NLRP13: variants seen among roughly 807,000 people sequenced by gnomAD.
NLRP13 encodes the protein NLR family pyrin domain containing 13, also known as NACHT, LRR and PYD domains-containing protein 13.
NLRP13 carries 82 observed loss-of-function variants against 94.4 expected under a neutral mutation model. That is an observed-to-expected ratio of 0.87 (90% CI 0.73 to 1.04). The LOEUF (loss-of-function observed/expected upper bound fraction) is 1.04, where lower values mean the gene tolerates loss of function less well. Among genes scored for constraint, NLRP13 ranks in the 50% least tolerant of loss-of-function variants. The pLI is 0.00. For missense variants in NLRP13, 1,426 were observed against 1,230.8 expected (o/e 1.16, Z -2.37); for synonymous variants, 553 against 464.7 (o/e 1.19, Z -2.45).
At chr19:55,908,700 CTTAT>C (rs1301062812) in intron 6 of NLRP13, among the ~76,000 whole-genome samples, 1 of 152,190 alleles carries the variant, frequency 6.6e-6, no homozygotes, top group Non-Finnish European at 1.5e-5. Context: ...CATGTCCTCA[CTTAT>C]AAGTGGGAGC....
At chr19:55,901,892 A>G in intron 9 of NLRP13, 143 bp downstream of exon 9, 2 of 817,274 alleles carry the variant, frequency 2.4e-6, no homozygotes, top group East Asian at 2.7e-5. Context: ...CCCATCCCAC[A>G]CCCCCGACAA....
Position 55,911,934 on chromosome 19 carries a change from C to A in NLRP13, c.1883G>T (p.Ser628Ile). The A allele has an allele frequency of 6.2e-7, 1 of 1,614,178 alleles. No homozygotes were observed. The highest frequency in any genetic ancestry group is 8.5e-7 in the Non-Finnish European group (1 of 1,180,018). The change falls in exon 5 of 11, where the codon AGT becomes ATT. Residue 628 changes from serine (S) to isoleucine (I), a missense_variant. Physicochemically the swap from Ser to Ile is moderately radical, Grantham distance 142. Coordinates refer to ENST00000342929, the MANE Select transcript of NLRP13 (RefSeq NM_176810.2). ...KWGEELGKAESASLQFHILRL... is the reference protein window; with the variant it reads ...KWGEELGKAEIASLQFHILRL... ...TAGAATGTGAAATTGGAGAGAGGCA[C>A]TTTCAGCCTTACCTAACTCTTCTCC...
intron 10 of NLRP13, among the ~76,000 whole-genome samples, chr19:55,896,745 C>T (rs1322879184): frequency 3.7e-5 from 5 of 133,640 alleles, no homozygotes; most frequent in Admixed American, 2.6e-4. Flanking sequence ...CTTGAGCCCA[C>T]GGGGTGGAAG....
downstream of NLRP13, among the ~76,000 whole-genome samples, chr19:55,894,225 A>C (rs1985937371): frequency 6.6e-6 from 1 of 151,820 alleles, no homozygotes. Flanking sequence ...AAATTTTTGT[A>C]GAGACAGGAT....
intron 6 of NLRP13, 56 bp downstream of exon 6, chr19:55,910,507 G>C: frequency 6.9e-7 from 1 of 1,451,320 alleles, no homozygotes; most frequent in Non-Finnish European, 9.3e-7. Context: ...TCAAAAGAGA[G>C]AAGTTGGGAG....
intron 1 of NLRP13, among the ~76,000 whole-genome samples, chr19:55,929,980 T>G (rs1054627348): frequency 6.6e-6 from 1 of 152,118 alleles, no homozygotes; most frequent in Non-Finnish European, 1.5e-5. Flanking sequence ...AACAAGAGTA[T>G]CTGAGGGCTT....
In NLRP13 at chr19:55,896,104, A is replaced by G. The variant is rs1986001179; in HGVS notation, c.2973T>C (p.Asn991=). 1 of 1,614,002 alleles carries G rather than the reference A, an allele frequency of 6.2e-7. No individual in the cohort carries two copies. The highest frequency in any genetic ancestry group is 8.5e-7 in the Non-Finnish European group (1 of 1,179,998). ...GATGCTGGCAGCAAGCAGTTGTCAG[A>G]TTGCATTTCGCCAACCTAGGGGCGG... ...ALHTLGLAKC[N]LTTACCQHLF... is the part of the protein sequence containing the mutation. Residue 991 remains asparagine, a synonymous_variant, in exon 11 of 11, where the codon AAT becomes AAC. Coordinates refer to ENST00000342929, the MANE Select transcript of NLRP13 (RefSeq NM_176810.2).
chr19:55,910,496 A>G, intron 6 of NLRP13, 67 bp downstream of exon 6: 1 of 1,420,296 alleles, frequency 7.0e-7, no homozygotes, highest in Non-Finnish European at 9.5e-7. Context: ...AACCACACTC[A>G]TCAAAAGAGA....
chr19:55,912,599 C>T lies in NLRP13; in HGVS notation c.1218G>A (p.Glu406=). ...MRHFDDSSEV[E]KILQQLRKNE... is the part of the protein sequence containing the mutation. The stretch of plus-strand genomic sequence containing the variant: ...TTTTTCTTAGCTGCTGCAGGATTTT[C>T]TCAACTTCACTTGAGTCATCAAAGT... The change falls in exon 5 of 11, where the codon GAG becomes GAA. Residue 406 remains glutamate (E), a synonymous_variant. Coordinates refer to ENST00000342929, the MANE Select transcript of NLRP13 (RefSeq NM_176810.2). The T allele has an allele frequency of 6.2e-7, 1 of 1,614,218 alleles. No individual in the cohort carries two copies.
rs1308029967 is a variant in NLRP13 at position 55,912,067 on chromosome 19, C to A, written c.1750G>T (p.Val584Leu). 1 of 1,614,202 alleles carries A rather than the reference C, an allele frequency of 6.2e-7. No individual in the cohort carries two copies. Among genetic ancestry groups the A allele is most frequent in the Admixed American group, 1.7e-5 (1 of 60,014 alleles). The change falls in exon 5 of 11, where the codon GTG (valine) becomes TTG (leucine). Residue 584 changes from valine to leucine, a missense_variant. Physicochemically the swap from Val to Leu is conservative, Grantham distance 32 (BLOSUM62 1). Coordinates refer to ENST00000342929, the MANE Select transcript of NLRP13 (RefSeq NM_176810.2). ...AAAAGACCAAAGAAGAACAGAACCA[C>A]TGGAGTCCAGTAGGCTTCTTTGTCA... Reference protein sequence around the residue: ...LLDKEAYWTPVVLFFFGLLNK... With the variant: ...LLDKEAYWTPLVLFFFGLLNK...
chr19:55,924,069 C>T, intron 3 of NLRP13, 90 bp from the exon 4 acceptor site: 1 of 943,782 alleles, frequency 1.1e-6, no homozygotes, highest in Non-Finnish European at 1.7e-6. Context: ...CCAACTCTTT[C>T]TATGGCAAAC....
chr19:55,908,237 G>A (rs1461828856), intron 6 of NLRP13, among the ~76,000 whole-genome samples: 4 of 151,996 alleles, frequency 2.6e-5, no homozygotes. Flanking sequence ...AGAGGTCCTG[G>A]GGCCACCTAT....
chr19:55,916,508 CAA>C (rs1335143648), intron 4 of NLRP13, among the ~76,000 whole-genome samples: 2 of 151,982 alleles, frequency 1.3e-5, no homozygotes, highest in African/African-American at 2.4e-5. Context: ...AGAAATTTAT[CAA>C]AGAGATATTT....
At chr19:55,913,920 G>A (rs564589127) in intron 4 of NLRP13, among the ~76,000 whole-genome samples, 2 of 152,242 alleles carry the variant, frequency 1.3e-5, no homozygotes, top group East Asian at 1.9e-4. Flanking sequence ...CCAGCTATCA[G>A]GTTTTCCTCA....
In NLRP13 at chr19:55,920,264, C is replaced by T. The variant is rs1000815397; in HGVS notation, c.523+3650G>A. Among the ~76,000 whole-genome samples the T allele has an allele frequency of 3.3e-5, 5 of 152,144 alleles. 1 individual carries two copies. In the South Asian group the frequency reaches 8.3e-4, roughly 25 times the overall value. On this transcript the variant is annotated intron_variant, in intron 4 of 10. Transcript: ENST00000342929. ...TAGGGAAAAGTTTTCTGGACATTGC[C>T]TTGGCAAAGAATTCATGACTAAGAC...
intron 5 of NLRP13, 139 bp from the exon 6 acceptor site, chr19:55,910,872 G>C (rs1001988819): frequency 1.5e-6 from 1 of 655,520 alleles, no homozygotes; most frequent in Non-Finnish European, 2.5e-6. Context: ...AGTGGCTCAC[G>C]CCTGTAATCC....
intron 8 of NLRP13, among the ~76,000 whole-genome samples, chr19:55,902,911 ATATG>A (rs779535651): frequency 6.9e-6 from 1 of 145,850 alleles, no homozygotes; most frequent in African/African-American, 2.5e-5. Flanking sequence ...ATACATGTAT[ATATG>A]TATAATTACA....
chr19:55,914,318 G>A (rs923744784), intron 4 of NLRP13, among the ~76,000 whole-genome samples: 19 of 152,178 alleles, frequency 1.2e-4, no homozygotes, highest in African/African-American at 4.6e-4. Context: ...CAAGGCACAT[G>A]GTAGGAGGCT....
chr19:55,931,865 T>C, intron 1 of NLRP13, 128 bp downstream of exon 1: 2 of 782,742 alleles, frequency 2.6e-6, no homozygotes, highest in East Asian at 5.2e-5. Context: ...CATACTGTCA[T>C]AGATTATCAA....
Sources: gnomAD v4.1 joint callset for allele counts (sites outside exome capture counted in the v4.1 genomes callset) on GRCh38, gnomAD v4.1.1 for gene constraint, MANE v1.5 for transcripts, NCBI Gene and HGNC (gene_info 2026-07-23, HGNC 2026-07-21) for gene names.